Variants in SMS observed in about 807,000 individuals in gnomAD.
SMS encodes the protein spermine synthase, also known as spermidine aminopropyltransferase.
SMS carries 3 observed loss-of-function variants against 33.0 expected under a neutral mutation model. The ratio of observed to expected loss-of-function variants is 0.09; its 90% CI spans 0.04 to 0.23. SMS has a LOEUF of 0.23. SMS is among the 10% of genes least tolerant of loss of function. The pLI is 1.00. For synonymous variants in SMS, 103 were observed against 112.2 expected (o/e 0.92, Z 0.52); for missense variants, 117 against 288.6 (o/e 0.41, Z 4.31).
intron 9 of SMS, among the ~76,000 whole-genome samples, chrX:21,988,662 CAAAAAAAAAAAAAAAAAAAAAA>C (rs199561897): frequency 3.0e-5 from 2 of 66,156 alleles, no homozygotes; most frequent in African/African-American, 1.1e-4. Context: ...GACTCTGTCT[CAAAAAAAAAAAAAAAAAAAAAA>C]AAAAAAAAGG....
In SMS at chrX:21,964,560, G is replaced by A. The variant is rs184381285; in HGVS notation, c.50-2636G>A. Among the ~76,000 whole-genome samples the A allele has an allele frequency of 5.6e-4, 62 of 111,101 alleles. 1 individual carries two copies. The highest frequency in any genetic ancestry group is 4.6e-3 in the Admixed American group (48 of 10,449). On this transcript the variant is annotated intron_variant, in intron 1 of 10. Transcript: ENST00000404933. Reference sequence around the variant, plus strand: ...AGTTCTTAGGGCTGTCTGAAGTCCCGTTGCTTTTTCTCTTCTTCCTATCTC... The same window carrying A: ...AGTTCTTAGGGCTGTCTGAAGTCCCATTGCTTTTTCTCTTCTTCCTATCTC...
Position 21,966,103 on chromosome X carries a change from T to C in SMS, c.50-1093T>C, listed in dbSNP as rs986645582. 3.6e-5 allele frequency among the ~76,000 whole-genome samples: 4 copies of C among 112,268 alleles called. No homozygotes were observed. The Admixed American group carries it at 3.8e-4, about 11-fold the overall frequency. ...AGACTCTTTATGCATAGTGAAAAAATCCTTAACTTCCCAGTTCTAGTTTCG... is the reference window on the plus strand; with the variant it reads ...AGACTCTTTATGCATAGTGAAAAAACCCTTAACTTCCCAGTTCTAGTTTCG... On this transcript the variant is annotated intron_variant, in intron 1 of 10. Coordinates refer to ENST00000404933, the MANE Select transcript of SMS (RefSeq NM_004595.5).
At chrX:21,972,446 G>T in intron 3 of SMS, 61 bp from the exon 4 acceptor site, 1 of 778,652 alleles carries the variant, frequency 1.3e-6, no homozygotes, top group Non-Finnish European at 2.0e-6. Flanking sequence ...CGTTGGGTCT[G>T]TAATTTAGTT....
At chrX:21,947,649 T>G (rs1365965820) in intron 1 of SMS, among the ~76,000 whole-genome samples, 1 of 111,346 alleles carries the variant, frequency 9.0e-6, no homozygotes, top group Non-Finnish European at 1.9e-5. Context: ...TTGTCTCCGT[T>G]TGGGGATGGG....
intron 1 of SMS, among the ~76,000 whole-genome samples, chrX:21,950,613 C>CA (rs1286593027): frequency 9.3e-6 from 1 of 107,404 alleles, no homozygotes; most frequent in Non-Finnish European, 1.9e-5. Context: ...CACCCCCTGA[C>CA]AGGCCCAGGT....
chrX:21,951,167 G>C (rs1352479450), intron 1 of SMS, among the ~76,000 whole-genome samples: 3 of 112,355 alleles, frequency 2.7e-5, no homozygotes, highest in Non-Finnish European at 5.6e-5. Context: ...TCTCATTGTG[G>C]TTTTGATTTA....
chrX:21,986,482 AC>A (rs1207981792), intron 9 of SMS, among the ~76,000 whole-genome samples: 4 of 111,510 alleles, frequency 3.6e-5, no homozygotes, highest in African/African-American at 1.3e-4. Context: ...GCTGAAAACA[AC>A]TTAGCATTTC....
intron 7 of SMS, among the ~76,000 whole-genome samples, chrX:21,982,752 A>G (rs1925049942): frequency 8.9e-6 from 1 of 112,762 alleles, no homozygotes; most frequent in Non-Finnish European, 1.9e-5. Context: ...AATTTTACAA[A>G]AGAGAACATA....
At position 21,955,237 on chromosome X, in the gene SMS, C is replaced by G. The variant is rs1922897820; in HGVS notation, c.50-11959C>G. On this transcript the variant is annotated intron_variant, in intron 1 of 10. Transcript: ENST00000404933. The stretch of plus-strand genomic sequence containing the variant: ...GGATGTTCATGATAGTGCTACAGTG[C>G]TCAGAAAGCATATTTCATCCTTCCC... 2.7e-5 allele frequency among the ~76,000 whole-genome samples: 3 copies of G among 112,582 alleles called. No homozygotes were observed. The East Asian group carries it at 8.3e-4, about 31-fold the overall frequency.
intron 1 of SMS, among the ~76,000 whole-genome samples, chrX:21,966,391 T>C (rs1352810225): frequency 1.8e-5 from 2 of 112,192 alleles, no homozygotes; most frequent in Non-Finnish European, 3.8e-5. Flanking sequence ...AAGAAAAAAT[T>C]GCATTTACCC....
At chrX:21,985,409 G>A (rs1450124960) in intron 9 of SMS, among the ~76,000 whole-genome samples, 186 bp downstream of exon 9, 1 of 111,645 alleles carries the variant, frequency 9.0e-6, no homozygotes, top group East Asian at 2.8e-4. Context: ...ATCAGCCCTG[G>A]TCTTTCGCTG....
At chrX:21,990,979 G>T (rs1013575197) in intron 9 of SMS, among the ~76,000 whole-genome samples, 1 of 112,186 alleles carries the variant, frequency 8.9e-6, no homozygotes, top group African/African-American at 3.2e-5. Context: ...GACACTGAAG[G>T]ATGACGTCAC....
intron 1 of SMS, among the ~76,000 whole-genome samples, chrX:21,960,749 A>AG (rs764055888): frequency 1.8e-4 from 20 of 111,611 alleles, no homozygotes; most frequent in Non-Finnish European, 3.6e-4. Context: ...GCTCTGCCTG[A>AG]GGGGAGGGGT....
Position 21,940,863 on chromosome X carries a change from C to A in SMS, c.39C>A (p.Leu13=), listed in dbSNP as rs1375246915. The A allele has an allele frequency of 1.1e-5, 12 of 1,107,219 alleles. No individual in the cohort carries two copies. Among genetic ancestry groups the A allele is most frequent in the Middle Eastern group, 3.5e-4 (1 of 2,895 alleles). 91.2% of individuals were successfully genotyped at this position (1,107,219 alleles called of 1,213,427 possible). A position where few individuals can be genotyped will look rare whatever the true frequency, so the allele number is the denominator to read the frequency against. ...GGCACAGCACGCTCGACTTCATGCTCGGCGCCAAAGGTGAGGGCGCCCGCC... is the reference window on the plus strand; with the variant it reads ...GGCACAGCACGCTCGACTTCATGCTAGGCGCCAAAGGTGAGGGCGCCCGCC... ...AARHSTLDFM[L]GAKADGETIL... is the part of the protein sequence containing the mutation. Residue 13 remains leucine, a synonymous_variant, in exon 1 of 11, where the codon CTC becomes CTA. Coordinates refer to ENST00000404933, the MANE Select transcript of SMS (RefSeq NM_004595.5).
chrX:21,992,880 A>G (rs1011295301), intron 10 of SMS, among the ~76,000 whole-genome samples, 168 bp downstream of exon 10: 1 of 112,525 alleles, frequency 8.9e-6, no homozygotes, highest in African/African-American at 3.2e-5. Flanking sequence ...GAAGCTTTAA[A>G]TAAAATCTGA....
At chrX:21,993,074 A>G (rs1168210430) in intron 10 of SMS, among the ~76,000 whole-genome samples, 2 of 111,870 alleles carry the variant, frequency 1.8e-5, no homozygotes, top group East Asian at 2.8e-4. Flanking sequence ...CTGCTGCCCA[A>G]TCAGAGGAAT....
At chrX:21,961,432 G>A (rs868819052) in intron 1 of SMS, among the ~76,000 whole-genome samples, 1 of 110,499 alleles carries the variant, frequency 9.0e-6, no homozygotes, top group African/African-American at 3.3e-5. Flanking sequence ...ACTTGTGATT[G>A]GAACAGTGCT....
chrX:21,992,589 T>C lies in SMS; in HGVS notation c.946-8T>C, dbSNP rs2146960271. Reference sequence around the variant, plus strand: ...AGAATCCCATTTGCTTATCTCTCTTTGATTTAGGGGAACTGTGTCAATCTG... The same window carrying C: ...AGAATCCCATTTGCTTATCTCTCTTCGATTTAGGGGAACTGTGTCAATCTG... On this transcript the variant is annotated splice_polypyrimidine_tract_variant and splice_region_variant and intron_variant, in intron 9 of 10. Transcript: ENST00000404933. 1 of 1,153,142 alleles carries C rather than the reference T, an allele frequency of 8.7e-7. No homozygotes were observed. Among genetic ancestry groups the C allele is most frequent in the East Asian group, 3.0e-5 (1 of 33,579 alleles).
rs761072771 is a variant in SMS, at chrX:21,940,774, C to T, written c.-51C>T. ...GCAGCCTGACACGCCGCGCGGCCCCCCAGTCTCCCGCGGCTGCTCCCCCAG... is the reference window on the plus strand; with the variant it reads ...GCAGCCTGACACGCCGCGCGGCCCCTCAGTCTCCCGCGGCTGCTCCCCCAG... On this transcript the variant is annotated 5_prime_UTR_variant, in exon 1 of 11. Coordinates refer to ENST00000404933, the MANE Select transcript of SMS (RefSeq NM_004595.5). 11 of 1,016,784 alleles carry T rather than the reference C, an allele frequency of 1.1e-5. No individual in the cohort carries two copies. The highest frequency in any genetic ancestry group is 3.7e-4 in the Middle Eastern group (1 of 2,699). 83.8% of individuals were successfully genotyped at this position (1,016,784 alleles called of 1,213,427 possible).
Sources: gnomAD v4.1 joint callset for allele counts (sites outside exome capture counted in the v4.1 genomes callset) on GRCh38, gnomAD v4.1.1 for gene constraint, MANE v1.5 for transcripts, NCBI Gene and HGNC (gene_info 2026-07-23, HGNC 2026-07-21) for gene names.